LDLRAD4: variants seen among roughly 807,000 people sequenced by gnomAD.
The protein encoded by LDLRAD4 is low-density lipoprotein receptor class A domain-containing protein 4.
A neutral mutation model predicts 17.0 loss-of-function variants in LDLRAD4; 5 were observed. That is an observed-to-expected ratio of 0.29 (90% CI 0.15 to 0.62). The LOEUF (loss-of-function observed/expected upper bound fraction) is 0.62. Ranked by LOEUF, LDLRAD4 falls within the 20% of genes least tolerant of loss-of-function variation. LDLRAD4 has a pLI of 0.84. For missense variants in LDLRAD4, 340 were observed against 424.7 expected (o/e 0.80, Z 1.75); for synonymous variants, 168 against 171.8 (o/e 0.98, Z 0.17).
At chr18:13,637,682 A>G (rs920073716) in intron 4 of LDLRAD4, among the ~76,000 whole-genome samples, 5 of 152,062 alleles carry the variant, frequency 3.3e-5, no homozygotes, top group Non-Finnish European at 5.9e-5. Flanking sequence ...CCTGGCCAAC[A>G]TGGTGAAACC....
chr18:13,336,026 C>T (rs1204616514), intron 1 of LDLRAD4, among the ~76,000 whole-genome samples: 1 of 152,160 alleles, frequency 6.6e-6, no homozygotes, highest in Non-Finnish European at 1.5e-5. Flanking sequence ...CAGAAAGCTT[C>T]CACTCATGGC....
chr18:13,326,263 A>T (rs2081531545), intron 1 of LDLRAD4, among the ~76,000 whole-genome samples: 2 of 152,088 alleles, frequency 1.3e-5, no homozygotes, highest in South Asian at 4.1e-4. Context: ...TAAAGGGGGG[A>T]AGGCTCGGAA....
intron 4 of LDLRAD4, among the ~76,000 whole-genome samples, chr18:13,638,027 A>G (rs2042232306): frequency 6.6e-6 from 1 of 152,160 alleles, no homozygotes; most frequent in African/African-American, 2.4e-5. Flanking sequence ...CATAAATGGT[A>G]TTTGAGCCTC....
At chr18:13,602,485 G>A (rs1201749526) in intron 3 of LDLRAD4, among the ~76,000 whole-genome samples, 1 of 142,888 alleles carries the variant, frequency 7.0e-6, no homozygotes, top group African/African-American at 2.6e-5. Flanking sequence ...CTTAAACCAT[G>A]GCATTTAATT....
chr18:13,295,417 C>G (rs1397291668), intron 1 of LDLRAD4, among the ~76,000 whole-genome samples: 1 of 152,192 alleles, frequency 6.6e-6, no homozygotes, highest in East Asian at 1.9e-4. Context: ...ACCAGTGGCT[C>G]CTGTGTGTGG....
chr18:13,545,734 A>G (rs772298457), intron 3 of LDLRAD4, among the ~76,000 whole-genome samples: 2 of 152,162 alleles, frequency 1.3e-5, no homozygotes, highest in Non-Finnish European at 2.9e-5. Flanking sequence ...CAAGCAAGCT[A>G]ATTTATGACA....
intron 1 of LDLRAD4, among the ~76,000 whole-genome samples, chr18:13,381,466 C>T (rs913522760): frequency 6.6e-6 from 1 of 152,188 alleles, no homozygotes; most frequent in African/African-American, 2.4e-5. Flanking sequence ...TTCACCTCCT[C>T]ATTGTATAAA....
intron 3 of LDLRAD4, among the ~76,000 whole-genome samples, chr18:13,560,430 TC>T (rs1437275933): frequency 6.6e-6 from 1 of 152,198 alleles, no homozygotes; most frequent in East Asian, 1.9e-4. Flanking sequence ...CCTTGGTTGG[TC>T]CTTGAAGGGA....
At chr18:13,294,975 A>G (rs1276008561) in intron 1 of LDLRAD4, among the ~76,000 whole-genome samples, 2 of 152,164 alleles carry the variant, frequency 1.3e-5, no homozygotes, top group South Asian at 2.1e-4. Flanking sequence ...GATTTTAGGC[A>G]TATGCACAAG....
chr18:13,429,989 A>T (rs1397379216), intron 2 of LDLRAD4, among the ~76,000 whole-genome samples: 2 of 152,114 alleles, frequency 1.3e-5, no homozygotes, highest in African/African-American at 4.8e-5. Context: ...GGGGCGGTGG[A>T]CTGTCCACTT....
chr18:13,465,994 G>T (rs932021441), intron 3 of LDLRAD4, among the ~76,000 whole-genome samples: 2 of 152,224 alleles, frequency 1.3e-5, no homozygotes, highest in Non-Finnish European at 2.9e-5. Context: ...CAGGAGGGCA[G>T]AGATAACTGT....
At chr18:13,264,602 T>C (rs530419514) in intron 1 of LDLRAD4, among the ~76,000 whole-genome samples, 15 of 152,388 alleles carry the variant, frequency 9.8e-5, no homozygotes, top group Admixed American at 3.9e-4. Context: ...GTAGATGTTG[T>C]CCTGTGCTTC....
chr18:13,650,105 T>G (rs1471881150), exon 6 of LDLRAD4: 1 of 398,598 alleles, frequency 2.5e-6, no homozygotes, highest in African/African-American at 2.1e-5. Flanking sequence ...CACAGAGATG[T>G]GAACAGACAA....
chr18:13,259,279 A>G (rs937057081), intron 1 of LDLRAD4, among the ~76,000 whole-genome samples: 2 of 151,984 alleles, frequency 1.3e-5, no homozygotes, highest in African/African-American at 2.4e-5. Flanking sequence ...CCACAAGTGT[A>G]TCCTCCCGCC....
At chr18:13,275,006 C>T (rs1599050570), upstream of LDLRAD4, among the ~76,000 whole-genome samples, 1 of 150,272 alleles carries the variant, frequency 6.7e-6, no homozygotes, top group African/African-American at 2.5e-5. Flanking sequence ...AGCCTCTGCA[C>T]TGTAGTCTGG....
rs781369448 is a variant in LDLRAD4, at chr18:13,453,254, C to G, written c.181+14870C>G. ...CTCGCGTTTTGGAAATGAGGAGGCC[C>G]GTGAACTGGTGTCCTGCTGTGTGTG... On this transcript the variant is annotated intron_variant, in intron 3 of 5. Transcript: ENST00000359446. Among the ~76,000 whole-genome samples the G allele has an allele frequency of 3.5e-4, 53 of 152,226 alleles. No homozygotes were observed. The Middle Eastern group carries it at 0.01, about 29-fold the overall frequency.
In LDLRAD4 at chr18:13,622,564, G is replaced by A. The variant is rs944514346; in HGVS notation, c.336+1293G>A. 6.6e-6 allele frequency among the ~76,000 whole-genome samples: 1 copy of A among 152,092 alleles called. No individual in the cohort carries two copies. Among genetic ancestry groups the A allele is most frequent in the Non-Finnish European group, 1.5e-5 (1 of 68,022 alleles). ...CTGGCCCTGTTGTGTTACTTTCCTC[G>A]AGCCTCCACAGCATCCTGGGGTCCT... On this transcript the variant is annotated intron_variant, in intron 4 of 5. Transcript: ENST00000359446. The surrounding 1 kb of genome is among the most constrained non-coding windows in gnomAD (Gnocchi z 5.3).
At chr18:13,456,160 C>T (rs1431949907) in intron 3 of LDLRAD4, among the ~76,000 whole-genome samples, 2 of 152,188 alleles carry the variant, frequency 1.3e-5, no homozygotes, top group Non-Finnish European at 2.9e-5. Flanking sequence ...TTCCAGGTGT[C>T]AGGTGCTGTG....
At chr18:13,224,770 G>T (rs1467364489) in intron 1 of LDLRAD4, among the ~76,000 whole-genome samples, 1 of 151,342 alleles carries the variant, frequency 6.6e-6, no homozygotes, top group East Asian at 1.9e-4. Context: ...ATGAGCCACT[G>T]CATCTGGCCT....
Sources: gnomAD v4.1 joint callset for allele counts (sites outside exome capture counted in the v4.1 genomes callset) on GRCh38, gnomAD v4.1.1 for gene constraint, Gnocchi (gnomAD v3.1) non-coding constraint, MANE v1.5 for transcripts, NCBI Gene and HGNC (gene_info 2026-07-23, HGNC 2026-07-21) for gene names.